The following RAPGEF4 variants were observed in gnomAD, a reference collection of about 807,000 sequenced individuals.
RAPGEF4 encodes the protein RAP guanine-nucleotide-exchange factor (GEF) 4.
In RAPGEF4, 66 loss-of-function variants were observed where a neutral mutation model predicts 147.9. The observed-to-expected ratio is 0.45, with a 90% CI of 0.37 to 0.55. RAPGEF4 has a LOEUF of 0.55. Among genes scored for constraint, RAPGEF4 ranks in the 20% least tolerant of loss-of-function variants. The pLI is 0.00. For missense variants in RAPGEF4, 1,071 were observed against 1,257.3 expected, an observed-to-expected ratio of 0.85 and a Z score of 2.24; for synonymous variants, 419 against 442.7, an observed-to-expected ratio of 0.95 and a Z score of 0.67.
intron 1 of RAPGEF4, chr2:172,744,501 A>G (rs1419039547): frequency 2.2e-6 from 1 of 449,862 alleles, no homozygotes; most frequent in Admixed American, 2.4e-5. Context: ...TTTAGGAGTC[A>G]GACTGTATAG....
At chr2:172,940,692 A>G (rs1249436608) in intron 6 of RAPGEF4, among the ~76,000 whole-genome samples, 2 of 152,224 alleles carry the variant, frequency 1.3e-5, no homozygotes, top group African/African-American at 4.8e-5. Flanking sequence ...GAACAGCCTA[A>G]TACACTATTC....
At chr2:172,868,741 A>G (rs1694900250) in intron 4 of RAPGEF4, among the ~76,000 whole-genome samples, 1 of 152,198 alleles carries the variant, frequency 6.6e-6, no homozygotes, top group Non-Finnish European at 1.5e-5. Context: ...GTGTTAGTCC[A>G]TTTGCATTGC....
chr2:173,037,416 C>A (rs563400029), intron 29 of RAPGEF4, among the ~76,000 whole-genome samples: 1 of 152,272 alleles, frequency 6.6e-6, no homozygotes, highest in South Asian at 2.1e-4. Context: ...AGATGTGGAA[C>A]TGGCACATAT....
At chr2:172,781,685 C>T (rs1863170) in intron 1 of RAPGEF4, among the ~76,000 whole-genome samples, 104,079 of 152,044 alleles carry the variant, frequency 0.68, 37,817 homozygotes, top group East Asian at 0.97. Flanking sequence ...AATCTGCAGA[C>T]GCTCGAGACC....
intron 4 of RAPGEF4, among the ~76,000 whole-genome samples, chr2:172,870,023 G>A (rs1695052901): frequency 6.6e-6 from 1 of 152,068 alleles, no homozygotes; most frequent in Admixed American, 6.5e-5. Context: ...TGACAAACTG[G>A]TAACCTGGGT....
intron 6 of RAPGEF4, among the ~76,000 whole-genome samples, chr2:172,929,026 C>T (rs1036638869): frequency 6.6e-6 from 1 of 152,172 alleles, no homozygotes; most frequent in African/African-American, 2.4e-5. Flanking sequence ...GATATTTTCT[C>T]CTGTACTGAA....
intron 17 of RAPGEF4, among the ~76,000 whole-genome samples, chr2:173,013,817 T>G (rs1695249803): frequency 6.6e-6 from 1 of 152,128 alleles, no homozygotes; most frequent in African/African-American, 2.4e-5. Context: ...AAAGAGCCAG[T>G]AAGGTAAGTC....
intron 1 of RAPGEF4, among the ~76,000 whole-genome samples, chr2:172,786,594 T>C (rs1574834404): frequency 1.3e-5 from 2 of 152,216 alleles, no homozygotes; most frequent in Non-Finnish European, 2.9e-5. Flanking sequence ...AACACTTATT[T>C]ATAGGCCAGG....
chr2:173,010,002 T>A (rs150940910), intron 17 of RAPGEF4, among the ~76,000 whole-genome samples: 1 of 152,198 alleles, frequency 6.6e-6, no homozygotes, highest in East Asian at 1.9e-4. Context: ...ACAACATAGG[T>A]AAAAAGAGTA....
Position 173,036,656 on chromosome 2 carries a change from G to A in RAPGEF4, c.2817G>A (p.Lys939=). 1 of 1,611,658 alleles carries A rather than the reference G, an allele frequency of 6.2e-7. No individual in the cohort carries two copies. The highest frequency in any genetic ancestry group is 8.5e-7 in the Non-Finnish European group (1 of 1,178,264). ...KDMTFTHEGN[K]TFIDNLVNFE... ...TGACATTTACTCATGAGGGGAACAAGACGTTCATTGACAATCTAGTAAACT... is the reference window on the plus strand; with the variant it reads ...TGACATTTACTCATGAGGGGAACAAAACGTTCATTGACAATCTAGTAAACT... Residue 939 remains lysine (K), a synonymous_variant, in exon 29 of 31, where the codon AAG becomes AAA. Coordinates refer to ENST00000397081, the MANE Select transcript of RAPGEF4 (RefSeq NM_007023.4).
chr2:172,987,936 A>C (rs1692442156), intron 12 of RAPGEF4, among the ~76,000 whole-genome samples: 1 of 152,260 alleles, frequency 6.6e-6, no homozygotes, highest in Admixed American at 6.5e-5. Context: ...TGGCTTTAAG[A>C]AACAGATTGC....
intron 1 of RAPGEF4, chr2:172,736,328 A>G: frequency 3.7e-6 from 1 of 272,384 alleles, no homozygotes; most frequent in Non-Finnish European, 6.8e-6. Context: ...CCCTGCCGCG[A>G]CTCCAGGCTC....
At chr2:172,858,975 T>C (rs953497358) in intron 4 of RAPGEF4, among the ~76,000 whole-genome samples, 2 of 144,816 alleles carry the variant, frequency 1.4e-5, no homozygotes, top group Non-Finnish European at 3.2e-5. Flanking sequence ...TAATGAAAAA[T>C]TGAAGAAATG....
chr2:172,746,465 C>T (rs1694776900), intron 1 of RAPGEF4, among the ~76,000 whole-genome samples: 1 of 152,086 alleles, frequency 6.6e-6, no homozygotes, highest in Non-Finnish European at 1.5e-5. Context: ...ACTGTGGAAA[C>T]CAAGGGACAT....
intron 4 of RAPGEF4, among the ~76,000 whole-genome samples, chr2:172,864,876 GC>G (rs2149790140): frequency 6.6e-6 from 1 of 152,384 alleles, no homozygotes; most frequent in South Asian, 2.1e-4. Flanking sequence ...CTGTACTCTA[GC>G]CTGGGCCATG....
At chr2:172,967,002 T>C (rs778089693) in intron 9 of RAPGEF4, 14 of 340,618 alleles carry the variant, frequency 4.1e-5, no homozygotes, top group Non-Finnish European at 6.4e-5. Context: ...ATCTGAGAAA[T>C]GCTGGCAGGT....
intron 6 of RAPGEF4, among the ~76,000 whole-genome samples, chr2:172,923,756 A>G (rs1450696401): frequency 6.6e-6 from 1 of 152,228 alleles, no homozygotes; most frequent in South Asian, 2.1e-4. Flanking sequence ...ATTGAATGAG[A>G]TAATCTGTGG....
intron 6 of RAPGEF4, among the ~76,000 whole-genome samples, chr2:172,939,420 T>A (rs1686923045): frequency 6.6e-6 from 1 of 152,220 alleles, no homozygotes; most frequent in African/African-American, 2.4e-5. Context: ...ATATTGAGTA[T>A]CTTTTCATAT....
intron 1 of RAPGEF4, among the ~76,000 whole-genome samples, chr2:172,740,167 A>G (rs1262913086): frequency 6.6e-6 from 1 of 152,228 alleles, no homozygotes; most frequent in Non-Finnish European, 1.5e-5. Flanking sequence ...TTACAGAAAA[A>G]GTTTGCCATC....
Sources: gnomAD v4.1 joint callset for allele counts (sites outside exome capture counted in the v4.1 genomes callset) on GRCh38, gnomAD v4.1.1 for gene constraint, MANE v1.5 for transcripts, NCBI Gene and HGNC (gene_info 2026-07-23, HGNC 2026-07-21) for gene names.